The following UGT8 variants were observed in gnomAD, a reference collection of about 807,000 sequenced individuals.
UGT8 encodes 2-hydroxyacylsphingosine 1-beta-galactosyltransferase.
UGT8 carries 12 observed loss-of-function variants against 40.5 expected under a neutral mutation model. That is an observed-to-expected ratio of 0.30 (90% CI 0.19 to 0.48). The LOEUF (loss-of-function observed/expected upper bound fraction) is 0.48, where lower values mean the gene tolerates loss of function less well. UGT8 is among the 20% of genes least tolerant of loss of function. The pLI, the probability that UGT8 is intolerant of heterozygous loss-of-function variation, is 0.99. For missense variants in UGT8, 513 were observed against 648.7 expected (o/e 0.79, Z 2.27); for synonymous variants, 224 against 240.4 (o/e 0.93, Z 0.63).
Position 114,668,152 on chromosome 4 carries a change from T to C in UGT8, c.1110T>C (p.His370=). ...ACAGTATTTTTGAAACTATATATCA[T>C]GGTGTGCCTGTAGTGGGAATTCCAC... ...GLNSIFETIY[H]GVPVVGIPLF... is the part of the protein sequence containing the mutation. Residue 370 remains histidine, a synonymous_variant, in exon 5 of 6, where the codon CAT becomes CAC. Coordinates refer to ENST00000310836, the MANE Select transcript of UGT8 (RefSeq NM_001128174.3). 9 of 1,613,878 alleles carry C rather than the reference T, an allele frequency of 5.6e-6. No individual in the cohort carries two copies. Among genetic ancestry groups the C allele is most frequent in the Non-Finnish European group, 7.6e-6 (9 of 1,179,802 alleles).
intron 5 of UGT8, among the ~76,000 whole-genome samples, chr4:114,675,060 T>G (rs1415476907): frequency 3.9e-5 from 6 of 152,242 alleles, no homozygotes; most frequent in Non-Finnish European, 7.3e-5. Flanking sequence ...ACATATATAC[T>G]GCATATAACA....
intron 2 of UGT8, among the ~76,000 whole-genome samples, chr4:114,654,408 T>C (rs1734054490): frequency 6.6e-6 from 1 of 152,060 alleles, no homozygotes. Flanking sequence ...CCCCTAGAGC[T>C]GCAAAATCTA....
intron 2 of UGT8, among the ~76,000 whole-genome samples, chr4:114,652,643 G>A (rs1261092629): frequency 2.0e-5 from 3 of 151,978 alleles, no homozygotes; most frequent in African/African-American, 4.8e-5. Context: ...AAAAAGTCAT[G>A]GTATTGAAGG....
At chr4:114,639,361 C>T (rs1489438001) in intron 2 of UGT8, among the ~76,000 whole-genome samples, 2 of 152,186 alleles carry the variant, frequency 1.3e-5, no homozygotes, top group Non-Finnish European at 2.9e-5. Context: ...GTCCCTGGTT[C>T]TCTTGTTTAA....
At chr4:114,633,770 C>G (rs1732720571) in intron 2 of UGT8, among the ~76,000 whole-genome samples, 1 of 152,056 alleles carries the variant, frequency 6.6e-6, no homozygotes, top group Non-Finnish European at 1.5e-5. Context: ...TTGGTGAAAC[C>G]CCGTCTCTAC....
chr4:114,631,061 A>G (rs1335432648), intron 2 of UGT8, among the ~76,000 whole-genome samples: 1 of 152,190 alleles, frequency 6.6e-6, no homozygotes, highest in African/African-American at 2.4e-5. Flanking sequence ...GAAATGCCAA[A>G]AAAGCCTTAG....
intron 2 of UGT8, among the ~76,000 whole-genome samples, chr4:114,647,972 G>T (rs567314679): frequency 6.6e-6 from 1 of 152,196 alleles, no homozygotes; most frequent in South Asian, 2.1e-4. Flanking sequence ...TCATGTTCTT[G>T]CTTATTTTTA....
chr4:114,601,324 G>A (rs1042671647), intron 1 of UGT8, among the ~76,000 whole-genome samples: 2 of 152,038 alleles, frequency 1.3e-5, no homozygotes, highest in Non-Finnish European at 2.9e-5. Flanking sequence ...TTTAAATATT[G>A]CTAAAAATCC....
intron 2 of UGT8, among the ~76,000 whole-genome samples, chr4:114,663,239 A>G (rs531729347): frequency 1.3e-5 from 2 of 152,158 alleles, no homozygotes; most frequent in Admixed American, 6.5e-5. Context: ...TTCCTGAGCT[A>G]GAGACCTGCA....
intron 5 of UGT8, among the ~76,000 whole-genome samples, chr4:114,670,514 T>C (rs1325557572): frequency 6.7e-6 from 1 of 149,634 alleles, no homozygotes; most frequent in Non-Finnish European, 1.5e-5. Context: ...GTTCAACATA[T>C]GTAAATCTAT....
intron 2 of UGT8, among the ~76,000 whole-genome samples, chr4:114,654,151 G>A (rs570775292): frequency 1.3e-5 from 2 of 152,132 alleles, no homozygotes; most frequent in African/African-American, 4.8e-5. Flanking sequence ...TGGATTAGAA[G>A]TAGGTTATTT....
chr4:114,641,433 C>T lies in UGT8; in HGVS notation c.822+17731C>T, dbSNP rs547096364. On this transcript the variant is annotated intron_variant, in intron 2 of 5. Coordinates refer to ENST00000310836, the MANE Select transcript of UGT8 (RefSeq NM_001128174.3). The stretch of plus-strand genomic sequence containing the variant: ...TGACCCAATCATAGACTCCAATTCA[C>T]GGAAGCTATGAGAGAGTTATTTCAT... 3.3e-5 allele frequency among the ~76,000 whole-genome samples: 5 copies of T among 152,246 alleles called. No homozygotes were observed. The East Asian group carries it at 7.7e-4, about 23-fold the overall frequency.
In UGT8 at chr4:114,668,303, A is replaced by T. The variant is rs775263216; in HGVS notation, c.1261A>T (p.Ser421Cys). The change falls in exon 5 of 6, where the codon AGC becomes TGC. Residue 421 changes from serine to cysteine, a missense_variant and splice_region_variant. Coordinates refer to ENST00000310836, the MANE Select transcript of UGT8 (RefSeq NM_001128174.3). ...ACTAGTGAAGGTTATCAATAATCCC[A>T]GGTAAGGTTTCAATTAACATTAAAG... ...EALVKVINNP[S>C]YRQRAQKLSE... is the part of the protein sequence containing the mutation. 14 of 1,613,186 alleles carry T rather than the reference A, an allele frequency of 8.7e-6. No homozygotes were observed. The highest frequency in any genetic ancestry group is 1.2e-5 in the Non-Finnish European group (14 of 1,179,408).
intron 2 of UGT8, among the ~76,000 whole-genome samples, chr4:114,654,374 G>A (rs1424973600): frequency 1.3e-5 from 2 of 151,992 alleles, no homozygotes; most frequent in Non-Finnish European, 2.9e-5. Context: ...GAAACCAAAT[G>A]AAGATGCATT....
At chr4:114,625,768 A>G (rs2126100926) in intron 2 of UGT8, among the ~76,000 whole-genome samples, 1 of 152,014 alleles carries the variant, frequency 6.6e-6, no homozygotes, top group South Asian at 2.1e-4. Context: ...TAGTGTCACT[A>G]TTTTGTTTTA....
At chr4:114,673,910 A>G (rs1735456235) in intron 5 of UGT8, among the ~76,000 whole-genome samples, 1 of 152,162 alleles carries the variant, frequency 6.6e-6, no homozygotes. Context: ...TTGTACTTTT[A>G]ATACAACTAG....
chr4:114,599,648 G>T (rs1246806324), intron 1 of UGT8, among the ~76,000 whole-genome samples: 2 of 152,222 alleles, frequency 1.3e-5, no homozygotes, highest in African/African-American at 4.8e-5. Context: ...ATGGTACGGG[G>T]TGCCCTTGCA....
chr4:114,670,223 A>C (rs914392380), intron 5 of UGT8, among the ~76,000 whole-genome samples: 3 of 151,814 alleles, frequency 2.0e-5, no homozygotes, highest in Admixed American at 6.6e-5. Flanking sequence ...CAAGGTCAGG[A>C]GATCGAGACC....
At chr4:114,655,185 T>G (rs1000339867) in intron 2 of UGT8, among the ~76,000 whole-genome samples, 1 of 152,016 alleles carries the variant, frequency 6.6e-6, no homozygotes, top group Non-Finnish European at 1.5e-5. Context: ...CAATAAACTT[T>G]TATTTATTTA....
Sources: allele counts gnomAD v4.1 joint callset (sites outside exome capture counted in the v4.1 genomes callset), GRCh38; gene constraint gnomAD v4.1.1; transcripts MANE v1.5; gene names NCBI Gene and HGNC (gene_info 2026-07-23, HGNC 2026-07-21).